Variants in SUFU observed in about 807,000 individuals in gnomAD.
SUFU encodes suppressor of fused homolog.
A neutral mutation model predicts 58.9 loss-of-function variants in SUFU; 7 were observed. The ratio of observed to expected loss-of-function variants is 0.12; its 90% confidence interval spans 0.07 to 0.22. The LOEUF is 0.22. Among genes scored for constraint, SUFU ranks in the 10% least tolerant of loss-of-function variants. SUFU has a pLI of 1.00. For synonymous variants in SUFU, 232 were observed against 254.8 expected (o/e 0.91, Z 0.85); for missense variants, 451 against 641.3 (o/e 0.70, Z 3.20).
intron 8 of SUFU, among the ~76,000 whole-genome samples, chr10:102,606,796 G>T (rs1315745826): frequency 1.3e-5 from 2 of 152,106 alleles, no homozygotes; most frequent in Non-Finnish European, 2.9e-5. Context: ...TCAGCTAGAG[G>T]ATACACTCCA....
chr10:102,607,995 T>C lies in SUFU; in HGVS notation c.1023-7273T>C, dbSNP rs540087444. 2.7e-5 allele frequency among the ~76,000 whole-genome samples: 4 copies of C among 150,538 alleles called. No individual in the cohort carries two copies. The South Asian group carries it at 8.5e-4, about 32-fold the overall frequency. On this transcript the variant is annotated intron_variant, in intron 8 of 11. Coordinates refer to ENST00000369902, the MANE Select transcript of SUFU (RefSeq NM_016169.4). ...AAATATCAAGGATGGGAGGCTGAGGTGGGTGGATCACCTGAGGTCAGGAGT... is the reference window on the plus strand; with the variant it reads ...AAATATCAAGGATGGGAGGCTGAGGCGGGTGGATCACCTGAGGTCAGGAGT...
intron 3 of SUFU, among the ~76,000 whole-genome samples, chr10:102,554,916 G>T (rs2062957108): frequency 6.6e-6 from 1 of 152,186 alleles, no homozygotes; most frequent in African/African-American, 2.4e-5. Context: ...AATGTGCCTG[G>T]TACGCAGTAA....
At chr10:102,521,499 G>A (rs967180890) in intron 2 of SUFU, among the ~76,000 whole-genome samples, 1 of 152,130 alleles carries the variant, frequency 6.6e-6, no homozygotes, top group Non-Finnish European at 1.5e-5. Context: ...ACTGGGGCTG[G>A]CTCATGAGTT....
chr10:102,548,861 T>G (rs1479270298), intron 2 of SUFU, among the ~76,000 whole-genome samples: 1 of 152,128 alleles, frequency 6.6e-6, no homozygotes, highest in Non-Finnish European at 1.5e-5. Flanking sequence ...GTCACTTTAA[T>G]GAATTGTGGC....
intron 2 of SUFU, among the ~76,000 whole-genome samples, chr10:102,540,038 C>G (rs754006169): frequency 1.3e-5 from 2 of 152,140 alleles, no homozygotes; most frequent in Non-Finnish European, 2.9e-5. Flanking sequence ...TTTGGCTTCT[C>G]TCTACTTTTG....
intron 3 of SUFU, among the ~76,000 whole-genome samples, chr10:102,554,861 G>A (rs1002673170): frequency 6.6e-5 from 10 of 152,202 alleles, no homozygotes; most frequent in Non-Finnish European, 1.0e-4. Flanking sequence ...AATAGTAACC[G>A]CATGAAGTTA....
Position 102,632,409 on chromosome 10 carries a change from C to T in SUFU, c.*2254C>T, listed in dbSNP as rs2063845728. 2 of 233,284 alleles carry T rather than the reference C, an allele frequency of 8.6e-6. No homozygotes were observed. Among genetic ancestry groups the T allele is most frequent in the East Asian group, 1.2e-4 (2 of 16,576 alleles). 14.5% of individuals were successfully genotyped at this position (233,284 alleles called of 1,614,324 possible). On this transcript the variant is annotated 3_prime_UTR_variant, in exon 12 of 12. Transcript: ENST00000369902. ...AGGAGCCTCACGCTCACCCAAGATCCTGCAGGGGCCAGGCTCCATCTCACT... is the reference window on the plus strand; with the variant it reads ...AGGAGCCTCACGCTCACCCAAGATCTTGCAGGGGCCAGGCTCCATCTCACT...
rs1060501104 is a variant in SUFU, at chr10:102,597,297, G to A, written c.910+4G>A. The A allele has an allele frequency of 6.2e-7, 1 of 1,611,966 alleles. No homozygotes were observed. The highest frequency in any genetic ancestry group is 8.5e-7 in the Non-Finnish European group (1 of 1,179,210). Reference sequence around the variant, plus strand: ...CCCCGGCGACTCTCTGGCAAAGGTGGGAGCCATCACTCAGCATTCCACCAG... The same window carrying A: ...CCCCGGCGACTCTCTGGCAAAGGTGAGAGCCATCACTCAGCATTCCACCAG... On this transcript the variant is annotated splice_donor_region_variant and intron_variant, in intron 7 of 11. Coordinates refer to ENST00000369902, the MANE Select transcript of SUFU (RefSeq NM_016169.4).
intron 3 of SUFU, among the ~76,000 whole-genome samples, chr10:102,559,953 C>T (rs893987979): frequency 6.6e-6 from 1 of 152,174 alleles, no homozygotes; most frequent in Non-Finnish European, 1.5e-5. Flanking sequence ...GCTCAGTTGG[C>T]TCGATTTGTG....
At chr10:102,611,220 A>T (rs762373503) in intron 8 of SUFU, among the ~76,000 whole-genome samples, 1 of 152,210 alleles carries the variant, frequency 6.6e-6, no homozygotes, top group African/African-American at 2.4e-5. Flanking sequence ...ACTTGGTGGG[A>T]TGTGAGAGCA....
rs1217007628 is a variant in SUFU at position 102,504,305 on chromosome 10, G to A, written c.153G>A (p.Pro51=). ...GCCTTTACCCTGACCAGCCGAACCC[G>A]CTCCAGGTTACCGCTATCGTCAAGT... The part of the protein sequence containing the change: ...CRRLYPDQPN[P]LQVTAIVKYW... The change falls in exon 1 of 12, where the codon CCG becomes CCA. Residue 51 remains proline, a synonymous_variant. Coordinates refer to ENST00000369902, the MANE Select transcript of SUFU (RefSeq NM_016169.4). 1.2e-6 allele frequency: 2 copies of A among 1,604,684 alleles called. No individual in the cohort carries two copies. The highest frequency in any genetic ancestry group is 2.7e-5 in the African/African-American group (2 of 74,410).
chr10:102,629,797 G>A lies in SUFU; in HGVS notation c.1366-269G>A, dbSNP rs1044783656. Among the ~76,000 whole-genome samples the A allele has an allele frequency of 6.6e-6, 1 of 152,172 alleles. No individual in the cohort carries two copies. Among genetic ancestry groups the A allele is most frequent in the Non-Finnish European group, 1.5e-5 (1 of 68,028 alleles). ...GGCAGAACCAAGGAAGTGAGCAAGA[G>A]GGAGGTCAGCTTAGTGGAGAAAGGA... On this transcript the variant is annotated intron_variant, in intron 11 of 11. Transcript: ENST00000369902. This position sits in a 1 kb window ranked among gnomAD's most constrained non-coding sequence, Gnocchi z 4.7.
intron 3 of SUFU, among the ~76,000 whole-genome samples, chr10:102,589,469 A>C (rs1278444470): frequency 1.3e-4 from 1 of 7,854 alleles, no homozygotes; most frequent in Non-Finnish European, 2.4e-4. Context: ...TTTTTGAGAC[A>C]GTGTCTTACT....
At chr10:102,505,527 C>G (rs868747004) in intron 1 of SUFU, among the ~76,000 whole-genome samples, 2 of 152,202 alleles carry the variant, frequency 1.3e-5, no homozygotes, top group Non-Finnish European at 2.9e-5. Context: ...GGTTACCTCT[C>G]CTTTTAGGAC....
At chr10:102,575,340 A>G (rs553168841) in intron 3 of SUFU, among the ~76,000 whole-genome samples, 1 of 152,312 alleles carries the variant, frequency 6.6e-6, no homozygotes, top group African/African-American at 2.4e-5. Flanking sequence ...GAAACTGCTA[A>G]TTTATAAAGA....
chr10:102,571,993 G>A (rs2063166649), intron 3 of SUFU, among the ~76,000 whole-genome samples: 2 of 152,182 alleles, frequency 1.3e-5, no homozygotes, highest in Non-Finnish European at 2.9e-5. Flanking sequence ...AATGGAGGAA[G>A]AGTCTGACGT....
At position 102,617,270 on chromosome 10, in the gene SUFU, C is replaced by CTCCA. The variant is rs2063696440; in HGVS notation, c.1158-18_1158-15dup. On this transcript the variant is annotated intron_variant, in intron 9 of 11. Coordinates refer to ENST00000369902, the MANE Select transcript of SUFU (RefSeq NM_016169.4). The surrounding 1 kb of genome is among the most constrained non-coding windows in gnomAD (Gnocchi z 4.4). ...GTTTCCAAGCCCAGCTCCTCACTGT[C>CTCCA]TCCATGTTCCCATCTCCAGGGGCAG... 3 of 1,614,180 alleles carry CTCCA rather than the reference C, an allele frequency of 1.9e-6. No individual in the cohort carries two copies. The African/African-American group carries it at 4.0e-5, about 22-fold the overall frequency.
intron 2 of SUFU, among the ~76,000 whole-genome samples, chr10:102,514,588 C>T (rs2062443344): frequency 6.6e-6 from 1 of 152,214 alleles, no homozygotes; most frequent in African/African-American, 2.4e-5. Flanking sequence ...CCCAACTGAC[C>T]TGAGTGGAGA....
Position 102,504,239 on chromosome 10 carries a change from C to T in SUFU, c.87C>T (p.Leu29=), listed in dbSNP as rs2135598027. 6.2e-7 allele frequency: 1 copy of T among 1,613,468 alleles called. No individual in the cohort carries two copies. The highest frequency in any genetic ancestry group is 1.3e-5 in the African/African-American group (1 of 75,026). The part of the protein sequence containing the change: ...GPTAPPAFAS[L]FPPGLHAIYG... ...CTGCCCCCCCGGCCTTCGCTTCGCT[C>T]TTTCCCCCGGGACTGCACGCCATCT... The change falls in exon 1 of 12, where the codon CTC becomes CTT. Residue 29 remains leucine, a synonymous_variant. Coordinates refer to ENST00000369902, the MANE Select transcript of SUFU (RefSeq NM_016169.4).
Sources: allele counts gnomAD v4.1 joint callset (sites outside exome capture counted in the v4.1 genomes callset), GRCh38; gene constraint gnomAD v4.1.1; non-coding constraint Gnocchi (gnomAD v3.1); transcripts MANE v1.5; gene names NCBI Gene and HGNC (gene_info 2026-07-23, HGNC 2026-07-21).